BNC2: variants seen among roughly 807,000 people sequenced by gnomAD.
BNC2 encodes the protein basonuclin zinc finger protein 2, also known as zinc finger protein basonuclin-2.
Under a neutral mutation model 76.3 loss-of-function variants are expected in BNC2, and 20 were observed. That is an observed-to-expected ratio of 0.26 (90% CI 0.18 to 0.38). The LOEUF (loss-of-function observed/expected upper bound fraction) is 0.38. Among genes scored for constraint, BNC2 ranks in the 10% least tolerant of loss-of-function variants. The probability of loss-of-function intolerance (pLI) is 1.00; values close to 1 mark genes in which losing one functional copy is unlikely to be tolerated. For synonymous variants in BNC2, 582 were observed against 514.8 expected (o/e 1.13, Z -1.77); for missense variants, 1,382 against 1,399.8 (o/e 0.99, Z 0.20).
At chr9:16,820,036 AATCGCT>A (rs2135935799) in intron 1 of BNC2, among the ~76,000 whole-genome samples, 1 of 149,964 alleles carries the variant, frequency 6.7e-6, no homozygotes, top group African/African-American at 2.5e-5. Context: ...GAGGCAGGAG[AATCGCT>A]TGTGCCCAGG....
intron 5 of BNC2, among the ~76,000 whole-genome samples, chr9:16,484,236 C>G (rs1444842833): frequency 6.6e-6 from 1 of 152,172 alleles, no homozygotes. Flanking sequence ...AGCACAGTAG[C>G]TGGTGTAGGG....
At chr9:16,753,429 C>T (rs558785462) in intron 1 of BNC2, among the ~76,000 whole-genome samples, 1 of 152,194 alleles carries the variant, frequency 6.6e-6, no homozygotes, top group Non-Finnish European at 1.5e-5. Context: ...AAGCACTCTT[C>T]ACACGGGAAA....
rs115407767 is a variant in BNC2, at chr9:16,618,034, A to G, written c.331-34949T>C. 8.8e-3 allele frequency among the ~76,000 whole-genome samples: 1,342 copies of G among 152,340 alleles called. 18 individuals are homozygous for G. Among genetic ancestry groups the G allele is most frequent in the African/African-American group, 0.031 (1,271 of 41,596 alleles). On this transcript the variant is annotated intron_variant, in intron 3 of 6. Transcript: ENST00000380672. ...GAACTCTAAAATGGAGCGCCACTTT[A>G]CGGTGACTAAAAGCAACTTTCGGGG... is the stretch of plus-strand genomic sequence containing the variant.
In BNC2 at chr9:16,684,547, T is replaced by C. The variant is rs141874195; in HGVS notation, c.330+43250A>G. Among the ~76,000 whole-genome samples, 268 of 152,282 alleles carry C rather than the reference T, an allele frequency of 1.8e-3. 2 individuals are homozygous for C. The highest frequency in any genetic ancestry group is 0.017 in the Middle Eastern group (5 of 294). ...CTCATTCTCACTGCATAGAAGTCCA[T>C]TTTTTAAATGGTTCTCTCTTCTCAT... On this transcript the variant is annotated intron_variant, in intron 3 of 6. Coordinates refer to ENST00000380672, the MANE Select transcript of BNC2 (RefSeq NM_017637.6).
intron 5 of BNC2, among the ~76,000 whole-genome samples, chr9:16,493,208 C>T (rs1034899271): frequency 3.9e-5 from 6 of 152,168 alleles, no homozygotes; most frequent in Non-Finnish European, 7.3e-5. Context: ...CTGTGTTTCT[C>T]AGAAAATACA....
At chr9:16,458,741 A>G (rs553077163) in intron 5 of BNC2, among the ~76,000 whole-genome samples, 13 of 152,358 alleles carry the variant, frequency 8.5e-5, no homozygotes, top group South Asian at 6.2e-4. Flanking sequence ...TTTGGCTCCA[A>G]TGAAAAGTAA....
At position 16,691,504 on chromosome 9, in the gene BNC2, C is replaced by CTTTTT. The variant is rs71327842; in HGVS notation, c.330+36288_330+36292dup. Among the ~76,000 whole-genome samples the CTTTTT allele has an allele frequency of 6.2e-5, 7 of 113,232 alleles. 1 individual carries two copies. Among genetic ancestry groups the CTTTTT allele is most frequent in the African/African-American group, 1.1e-4 (3 of 28,378 alleles). The allele number at this position is 113,232 out of a possible 152,430, so 74.3% of individuals were successfully genotyped here. On this transcript the variant is annotated intron_variant, in intron 3 of 6. Coordinates refer to ENST00000380672, the MANE Select transcript of BNC2 (RefSeq NM_017637.6). ...CCAGATCCACGGATGGGTATGGGTT[C>CTTTTT]TTTTTTTTTTTTTTTTTTTTTTTGA...
chr9:16,605,784 C>CTTT lies in BNC2; in HGVS notation c.331-22702_331-22700dup, dbSNP rs34431220. Among the ~76,000 whole-genome samples the CTTT allele has an allele frequency of 4.1e-3, 451 of 110,654 alleles. 6 individuals carry two copies. The highest frequency in any genetic ancestry group is 8.5e-3 in the African/African-American group (237 of 28,014). 72.6% of individuals were successfully genotyped at this position (110,654 alleles called of 152,430 possible). On this transcript the variant is annotated intron_variant, in intron 3 of 6. Transcript: ENST00000380672. ...TAAAGAGTCCAACCTTTCAAGAATT[C>CTTT]TTTTTTTTTTTTTTTTTTTTTTGAG...
chr9:16,664,698 C>T lies in BNC2; in HGVS notation c.330+63099G>A, dbSNP rs555903236. Among the ~76,000 whole-genome samples the T allele has an allele frequency of 2.1e-3, 275 of 132,202 alleles. 1 individual carries two copies. Among genetic ancestry groups the T allele is most frequent in the South Asian group, 9.0e-3 (33 of 3,684 alleles). The allele number at this position is 132,202 out of a possible 152,430, so 86.7% of individuals were successfully genotyped here. On this transcript the variant is annotated intron_variant, in intron 3 of 6. Transcript: ENST00000380672. ...GCAATAAGGGTATTCAGGAAAAAAA[C>T]AAAAACAAAAAAAACAAAAAAAAAC... is the stretch of plus-strand genomic sequence containing the variant.
At position 16,632,481 on chromosome 9, in the gene BNC2, CA is replaced by C. The variant is rs774984135; in HGVS notation, c.331-49397del. ...GCACCATATTCCCAAATCATTTTAT[CA>C]GGTCACATTCTGCCAAACTGATGAA... On this transcript the variant is annotated intron_variant, in intron 3 of 6. Transcript: ENST00000380672. Among the ~76,000 whole-genome samples, 7 of 152,058 alleles carry C rather than the reference CA, an allele frequency of 4.6e-5. 1 individual carries two copies. Among genetic ancestry groups the C allele is most frequent in the Non-Finnish European group, 5.9e-5 (4 of 68,006 alleles).
At chr9:16,829,293 T>C (rs1326609317) in intron 1 of BNC2, among the ~76,000 whole-genome samples, 1 of 152,234 alleles carries the variant, frequency 6.6e-6, no homozygotes, top group Non-Finnish European at 1.5e-5. Flanking sequence ...AAGCATTCTA[T>C]CTTCAGGGTA....
intron 5 of BNC2, among the ~76,000 whole-genome samples, chr9:16,474,036 A>C (rs1821880698): frequency 6.6e-6 from 1 of 152,188 alleles, no homozygotes; most frequent in Non-Finnish European, 1.5e-5. Context: ...ATGTTTCTCC[A>C]AATTCTCTGG....
At chr9:16,826,505 T>C (rs1818456975) in intron 1 of BNC2, among the ~76,000 whole-genome samples, 1 of 152,192 alleles carries the variant, frequency 6.6e-6, no homozygotes, top group Admixed American at 6.5e-5. Context: ...CTGGCACTCT[T>C]GCTGCTTGAT....
At chr9:16,789,907 A>G (rs1485953921) in intron 1 of BNC2, among the ~76,000 whole-genome samples, 1 of 152,368 alleles carries the variant, frequency 6.6e-6, no homozygotes, top group Middle Eastern at 3.4e-3. Context: ...CTCATCACTT[A>G]CAAGAGTGCC....
At chr9:16,703,227 T>C (rs1823567526) in intron 3 of BNC2, among the ~76,000 whole-genome samples, 2 of 152,204 alleles carry the variant, frequency 1.3e-5, no homozygotes. Context: ...GAAATATAAC[T>C]TCAGATAATC....
At chr9:16,474,941 C>G (rs1821898361) in intron 5 of BNC2, among the ~76,000 whole-genome samples, 3 of 152,168 alleles carry the variant, frequency 2.0e-5, no homozygotes, top group Admixed American at 2.0e-4. Flanking sequence ...AATCAGACTT[C>G]TGTGTTCCAG....
intron 1 of BNC2, among the ~76,000 whole-genome samples, chr9:16,815,750 G>T (rs1818167414): frequency 6.6e-6 from 1 of 152,112 alleles, no homozygotes; most frequent in Non-Finnish European, 1.5e-5. Context: ...TTTCTATCAG[G>T]TTCTGACTTT....
intron 3 of BNC2, among the ~76,000 whole-genome samples, chr9:16,583,497 T>C (rs1819684722): frequency 6.6e-6 from 1 of 152,212 alleles, no homozygotes; most frequent in Non-Finnish European, 1.5e-5. Flanking sequence ...AGTGAAATGT[T>C]TGTGAAAGTA....
chr9:16,751,409 A>C (rs1825190380), intron 1 of BNC2, among the ~76,000 whole-genome samples: 2 of 151,974 alleles, frequency 1.3e-5, no homozygotes, highest in African/African-American at 2.4e-5. Context: ...CACATCTAAG[A>C]GATCAGCAAT....
Sources: allele counts gnomAD v4.1 joint callset (sites outside exome capture counted in the v4.1 genomes callset), GRCh38; gene constraint gnomAD v4.1.1; transcripts MANE v1.5; gene names NCBI Gene and HGNC (gene_info 2026-07-23, HGNC 2026-07-21).